Variants in NRG3 observed in about 807,000 individuals in gnomAD.
NRG3 encodes the protein pro-neuregulin-3, membrane-bound isoform.
Under a neutral mutation model 66.9 loss-of-function variants are expected in NRG3, and 31 were observed. The ratio of observed to expected loss-of-function variants is 0.46; its 90% CI spans 0.35 to 0.63. NRG3 has a LOEUF of 0.63. Ranked by LOEUF, NRG3 falls within the 20% of genes least tolerant of loss-of-function variation. The pLI, the probability that NRG3 is intolerant of heterozygous loss-of-function variation, is 0.00. For synonymous variants in NRG3, 393 were observed against 359.4 expected, an observed-to-expected ratio of 1.09 and a Z score of -1.06; for missense variants, 910 against 878.9, an observed-to-expected ratio of 1.04 and a Z score of -0.45.
At chr10:82,933,138 A>G (rs1230817845) in intron 4 of NRG3, among the ~76,000 whole-genome samples, 1 of 152,118 alleles carries the variant, frequency 6.6e-6, no homozygotes, top group Non-Finnish European at 1.5e-5. Flanking sequence ...AGCCTTCACA[A>G]CCCTGTAGTC....
intron 2 of NRG3, among the ~76,000 whole-genome samples, chr10:82,455,984 A>C (rs1201149079): frequency 3.3e-5 from 5 of 152,148 alleles, no homozygotes; most frequent in Non-Finnish European, 7.3e-5. Context: ...GCTTACTGTC[A>C]CATTTTACAT....
chr10:82,905,238 G>T (rs1201617002), intron 4 of NRG3, among the ~76,000 whole-genome samples: 1 of 152,018 alleles, frequency 6.6e-6, no homozygotes, highest in Non-Finnish European at 1.5e-5. Context: ...TCATAACATG[G>T]TTCACACTGG....
chr10:82,777,703 T>C (rs1236235327), intron 3 of NRG3, among the ~76,000 whole-genome samples: 1 of 152,128 alleles, frequency 6.6e-6, no homozygotes. Context: ...ATTTAGATCC[T>C]GGAAGCAGTG....
At chr10:82,453,615 G>C (rs373498628) in intron 2 of NRG3, among the ~76,000 whole-genome samples, 1 of 151,642 alleles carries the variant, frequency 6.6e-6, no homozygotes, top group Non-Finnish European at 1.5e-5. Flanking sequence ...AATGGCACCT[G>C]GTGTCTATAC....
At chr10:82,309,393 T>C (rs2134941674) in intron 1 of NRG3, among the ~76,000 whole-genome samples, 1 of 152,272 alleles carries the variant, frequency 6.6e-6, no homozygotes, top group East Asian at 1.9e-4. Context: ...TATTTCAAAG[T>C]CTTGCAGTAT....
intron 4 of NRG3, among the ~76,000 whole-genome samples, chr10:82,898,542 G>A (rs1468754948): frequency 1.3e-5 from 2 of 152,050 alleles, no homozygotes; most frequent in Non-Finnish European, 2.9e-5. Context: ...AATTTGGAAT[G>A]ACCTTGGACA....
chr10:82,105,453 C>T (rs1270183131), intron 1 of NRG3, among the ~76,000 whole-genome samples: 4 of 152,120 alleles, frequency 2.6e-5, no homozygotes, highest in African/African-American at 9.7e-5. Flanking sequence ...CCTGTATCTT[C>T]CCATTCTTCT....
intron 1 of NRG3, among the ~76,000 whole-genome samples, chr10:81,886,390 C>G (rs1021080311): frequency 6.6e-6 from 1 of 152,034 alleles, no homozygotes; most frequent in Non-Finnish European, 1.5e-5. Flanking sequence ...TCTATTAAAA[C>G]GAAGTTCATT....
chr10:82,085,848 AG>A (rs917905375), intron 1 of NRG3, among the ~76,000 whole-genome samples: 28 of 152,000 alleles, frequency 1.8e-4, no homozygotes, highest in African/African-American at 6.8e-4. Context: ...CATGTTGGCC[AG>A]GCTAGTCTCG....
intron 1 of NRG3, among the ~76,000 whole-genome samples, chr10:82,130,770 T>C (rs1271129235): frequency 6.6e-6 from 1 of 152,204 alleles, no homozygotes; most frequent in Non-Finnish European, 1.5e-5. Flanking sequence ...GTAGTTTTGA[T>C]TTGCATTTCT....
chr10:82,184,724 A>G lies in NRG3; in HGVS notation c.824-174015A>G, dbSNP rs76821517. Among the ~76,000 whole-genome samples the G allele has an allele frequency of 7.9e-5, 12 of 152,246 alleles. No individual in the cohort carries two copies. The East Asian group carries it at 2.3e-3, about 29-fold the overall frequency. On this transcript the variant is annotated intron_variant, in intron 1 of 8. Transcript: ENST00000372141. Reference sequence around the variant, plus strand: ...ACTTTGGAAGAGGTCATTAGCTTCTACAAAATGTAAGTAAGCTGATATCTT... The same window carrying G: ...ACTTTGGAAGAGGTCATTAGCTTCTGCAAAATGTAAGTAAGCTGATATCTT...
chr10:81,993,977 A>C (rs2060838868), intron 1 of NRG3, among the ~76,000 whole-genome samples: 1 of 152,168 alleles, frequency 6.6e-6, no homozygotes, highest in Admixed American at 6.5e-5. Flanking sequence ...TTGTTTCTTT[A>C]GACAATTTCC....
intron 3 of NRG3, among the ~76,000 whole-genome samples, chr10:82,849,730 A>G (rs2063477761): frequency 6.6e-6 from 1 of 152,188 alleles, no homozygotes; most frequent in South Asian, 2.1e-4. Flanking sequence ...TATTTTGGTT[A>G]GAAGAACTGC....
chr10:81,956,625 C>T (rs1367319019), intron 1 of NRG3, among the ~76,000 whole-genome samples: 6 of 152,146 alleles, frequency 3.9e-5, no homozygotes, highest in African/African-American at 1.4e-4. Flanking sequence ...ACAGCTGGTC[C>T]TGAACACCAT....
chr10:82,090,376 C>T (rs2065956624), intron 1 of NRG3, among the ~76,000 whole-genome samples: 1 of 152,170 alleles, frequency 6.6e-6, no homozygotes. Context: ...ATAATGATCT[C>T]TATCCTACTA....
At chr10:82,184,272 C>T (rs1454387458) in intron 1 of NRG3, among the ~76,000 whole-genome samples, 1 of 152,104 alleles carries the variant, frequency 6.6e-6, no homozygotes, top group Non-Finnish European at 1.5e-5. Context: ...AAATCAGCTG[C>T]TTAGTTGAGA....
chr10:82,525,338 T>A (rs1424521912), intron 2 of NRG3, among the ~76,000 whole-genome samples: 1 of 151,864 alleles, frequency 6.6e-6, no homozygotes, highest in East Asian at 1.9e-4. Context: ...GTGTGAGAGG[T>A]CAAACTCCAG....
chr10:82,706,614 TATAA>T (rs566242112), intron 2 of NRG3, among the ~76,000 whole-genome samples: 120 of 152,350 alleles, frequency 7.9e-4, no homozygotes, highest in African/African-American at 2.6e-3. Flanking sequence ...CATTATGCTT[TATAA>T]ATCTAACCAT....
At chr10:82,186,326 A>G (rs2073805607) in intron 1 of NRG3, among the ~76,000 whole-genome samples, 1 of 152,196 alleles carries the variant, frequency 6.6e-6, no homozygotes, top group Admixed American at 6.5e-5. Context: ...AGTGAGAGAC[A>G]GTGAACTTTT....
Sources: gnomAD v4.1 joint callset for allele counts (sites outside exome capture counted in the v4.1 genomes callset) on GRCh38, gnomAD v4.1.1 for gene constraint, MANE v1.5 for transcripts, NCBI Gene and HGNC (gene_info 2026-07-23, HGNC 2026-07-21) for gene names.